Variants in SLC38A6 observed in about 807,000 individuals in gnomAD.
SLC38A6 encodes the protein N system amino acid transporter NAT-1.
Under a neutral mutation model 65.0 loss-of-function variants are expected in SLC38A6, and 73 were observed. The ratio of observed to expected loss-of-function variants is 1.12; its 90% CI spans 0.93 to 1.37. The LOEUF is 1.37. SLC38A6 is among the 40% of genes most tolerant of loss of function. SLC38A6 has a pLI of 0.00. For missense variants in SLC38A6, 561 were observed against 531.1 expected (o/e 1.06, Z -0.55); for synonymous variants, 183 against 178.8 (o/e 1.02, Z -0.19).
intron 15 of SLC38A6, chr14:61,073,955 C>T (rs778229113): frequency 6.6e-6 from 1 of 151,974 alleles, no homozygotes; most frequent in Admixed American, 6.6e-5. Context: ...AATATGTTTT[C>T]TCTTTCTTAT....
At chr14:61,029,074 T>A (rs1195654123) in intron 5 of SLC38A6, among the ~76,000 whole-genome samples, 1 of 152,084 alleles carries the variant, frequency 6.6e-6, no homozygotes, top group African/African-American at 2.4e-5. Flanking sequence ...CTTTTGTAAG[T>A]TTTGTAAGGA....
intron 8 of SLC38A6, among the ~76,000 whole-genome samples, chr14:61,039,206 G>A (rs2041618275): frequency 6.6e-6 from 1 of 152,096 alleles, no homozygotes; most frequent in Admixed American, 6.5e-5. Flanking sequence ...TAATGTAGCA[G>A]CCATATGGAA....
At chr14:61,000,504 G>A (rs1429204484) in intron 3 of SLC38A6, among the ~76,000 whole-genome samples, 6 of 152,138 alleles carry the variant, frequency 3.9e-5, no homozygotes, top group South Asian at 2.1e-4. Context: ...GATGGCGGGC[G>A]CCTGTAATCC....
chr14:61,053,918 G>T (rs1278315099), downstream of SLC38A6, among the ~76,000 whole-genome samples: 1 of 151,984 alleles, frequency 6.6e-6, no homozygotes, highest in Non-Finnish European at 1.5e-5. Context: ...TGTTGCAATT[G>T]CTTGGTGCCT....
chr14:61,012,069 T>C (rs1015829150), intron 3 of SLC38A6, among the ~76,000 whole-genome samples: 2 of 152,216 alleles, frequency 1.3e-5, no homozygotes, highest in Admixed American at 6.5e-5. Flanking sequence ...GAGCCTGTTA[T>C]TGGTCTATTC....
At chr14:61,037,199 A>G in intron 7 of SLC38A6, 58 bp downstream of exon 7, 1 of 1,284,920 alleles carries the variant, frequency 7.8e-7, no homozygotes, top group Non-Finnish European at 1.1e-6. Flanking sequence ...GAGGGAGGGA[A>G]AGAGAGACAA....
Position 61,050,552 on chromosome 14 carries a change from C to G in SLC38A6, c.966C>G (p.Tyr322Ter). ...ESELLKGYSK[Y>*]LSHDVVVMTV... ...AATTACTAAAAGGTTATAGTAAATA[C>G]TTATCACATGATGTTGTTGTCATGA... Residue 322 changes from tyrosine to a stop codon, truncating the protein, a stop_gained, in exon 13 of 16, where the codon TAC (tyrosine) becomes TAG (stop). Coordinates refer to ENST00000267488, the MANE Select transcript of SLC38A6 (RefSeq NM_153811.3). LOFTEE classifies it high-confidence loss of function. 6.3e-7 allele frequency: 1 copy of G among 1,585,732 alleles called. No individual in the cohort carries two copies. Among genetic ancestry groups the G allele is most frequent in the South Asian group, 1.1e-5 (1 of 87,700 alleles).
chr14:60,982,890 T>C (rs1237592430), intron 2 of SLC38A6, among the ~76,000 whole-genome samples: 1 of 152,228 alleles, frequency 6.6e-6, no homozygotes, highest in Non-Finnish European at 1.5e-5. Flanking sequence ...TAATGAAATA[T>C]GACACTTAAG....
At chr14:60,997,230 G>T (rs1191019872) in intron 3 of SLC38A6, among the ~76,000 whole-genome samples, 1 of 152,198 alleles carries the variant, frequency 6.6e-6, no homozygotes, top group East Asian at 1.9e-4. Context: ...AGGCTCAAGT[G>T]ATCCTCCCAC....
chr14:61,023,555 T>A (rs2040448457), intron 5 of SLC38A6, among the ~76,000 whole-genome samples: 1 of 101,772 alleles, frequency 9.8e-6, no homozygotes, highest in South Asian at 3.4e-4. Context: ...CCTGGGCAAC[T>A]GTCTCAAAAA....
intron 3 of SLC38A6, among the ~76,000 whole-genome samples, chr14:61,010,270 G>A (rs986251201): frequency 9.9e-5 from 15 of 152,016 alleles, no homozygotes; most frequent in African/African-American, 2.2e-4. Context: ...TGTAGATTCT[G>A]GATATTAGCC....
chr14:61,025,218 A>G (rs535399006), intron 5 of SLC38A6, among the ~76,000 whole-genome samples: 2 of 152,354 alleles, frequency 1.3e-5, no homozygotes, highest in Admixed American at 6.5e-5. Flanking sequence ...ATTGAGAATT[A>G]TAAAAATCTC....
At chr14:61,082,524 G>A (rs1383547702) in intron 16 of SLC38A6, among the ~76,000 whole-genome samples, 2 of 152,114 alleles carry the variant, frequency 1.3e-5, no homozygotes, top group Non-Finnish European at 2.9e-5. Context: ...CTCTCATGCC[G>A]AGCTTAGGTG....
At position 61,050,538 on chromosome 14, in the gene SLC38A6, G is replaced by C; in HGVS notation, c.952G>C (p.Gly318Arg). The change falls in exon 13 of 16, where the codon GGT becomes CGT. Residue 318 changes from glycine (G) to arginine (R), a missense_variant. Transcript: ENST00000267488. ...YDKVESELLKGYSKYLSHDVV... is the reference protein window; with the variant it reads ...YDKVESELLKRYSKYLSHDVV... ...CAAAGTGGAGTCAGAATTACTAAAA[G>C]GTTATAGTAAATACTTATCACATGA... 6.4e-7 allele frequency: 1 copy of C among 1,556,706 alleles called. No individual in the cohort carries two copies. Among genetic ancestry groups the C allele is most frequent in the East Asian group, 2.3e-5 (1 of 44,004 alleles).
chr14:60,982,713 C>G, intron 2 of SLC38A6, 75 bp downstream of exon 2: 1 of 1,444,796 alleles, frequency 6.9e-7, no homozygotes, highest in Non-Finnish European at 9.3e-7. Flanking sequence ...AGATAGATTC[C>G]AGAAGCTGCT....
At position 61,025,278 on chromosome 14, in the gene SLC38A6, T is replaced by C. The variant is rs527419037; in HGVS notation, c.404-5167T>C. Among the ~76,000 whole-genome samples the C allele has an allele frequency of 2.0e-5, 3 of 152,340 alleles. No homozygotes were observed. The East Asian group carries it at 5.8e-4, about 29-fold the overall frequency. On this transcript the variant is annotated intron_variant, in intron 5 of 15. Transcript: ENST00000267488. ...ACAATATTAGATGCTAGAAACTACTTGGATTTGCTTTCTTCCTGTATATTC... is the reference window on the plus strand; with the variant it reads ...ACAATATTAGATGCTAGAAACTACTCGGATTTGCTTTCTTCCTGTATATTC...
intron 3 of SLC38A6, among the ~76,000 whole-genome samples, chr14:61,009,748 A>T (rs1479019166): frequency 6.6e-6 from 1 of 152,210 alleles, no homozygotes; most frequent in East Asian, 1.9e-4. Flanking sequence ...TCCATGGTGT[A>T]TATGTGCCAC....
chr14:61,015,839 T>C, intron 3 of SLC38A6, 65 bp from the exon 4 acceptor site: 1 of 1,324,822 alleles, frequency 7.5e-7, no homozygotes, highest in African/African-American at 1.5e-5. Flanking sequence ...GACCTGCTCT[T>C]CTCTTTAGGA....
At chr14:60,991,512 T>A (rs2037883529) in intron 3 of SLC38A6, among the ~76,000 whole-genome samples, 2 of 152,154 alleles carry the variant, frequency 1.3e-5, no homozygotes, top group South Asian at 4.1e-4. Flanking sequence ...AGTTAGGAAG[T>A]ATAGGAGCCA....
Sources: gnomAD v4.1 joint callset for allele counts (sites outside exome capture counted in the v4.1 genomes callset) on GRCh38, gnomAD v4.1.1 for gene constraint, MANE v1.5 for transcripts, NCBI Gene and HGNC (gene_info 2026-07-23, HGNC 2026-07-21) for gene names.